The following ORM2 variants were observed in gnomAD, a reference collection of about 807,000 sequenced individuals.
The protein encoded by ORM2 is orosomucoid 2.
Under a neutral mutation model 26.8 loss-of-function variants are expected in ORM2, and 19 were observed. The observed-to-expected ratio is 0.71, with a 90% CI of 0.49 to 1.04. ORM2 has a LOEUF of 1.04. Ranked by LOEUF, ORM2 falls within the 50% of genes least tolerant of loss-of-function variation. The pLI, the probability that ORM2 is intolerant of heterozygous loss-of-function variation, is 0.00. For missense variants in ORM2, 259 were observed against 244.9 expected (o/e 1.06, Z -0.39); for synonymous variants, 94 against 100.0 (o/e 0.94, Z 0.36).
At chr9:114,332,588 C>A (rs1829874702) in intron 5 of ORM2, among the ~76,000 whole-genome samples, 1 of 152,010 alleles carries the variant, frequency 6.6e-6, no homozygotes, top group Admixed American at 6.6e-5. Context: ...AGATGACCAC[C>A]AGGGATGTGA....
chr9:114,330,148 G>C (rs778955617), intron 1 of ORM2, 130 bp downstream of exon 1: 1 of 1,546,436 alleles, frequency 6.5e-7, no homozygotes, highest in Non-Finnish European at 8.8e-7. Flanking sequence ...GGGTCCCCAG[G>C]GTGAAATTCT....
intron 3 of ORM2, 72 bp downstream of exon 3, chr9:114,330,934 T>C: frequency 7.9e-7 from 1 of 1,265,476 alleles, no homozygotes. Flanking sequence ...GGGGGCTGGA[T>C]GTAGAGCCCT....
intron 5 of ORM2, among the ~76,000 whole-genome samples, chr9:114,332,151 T>C (rs1173667506): frequency 6.6e-6 from 1 of 151,694 alleles, no homozygotes; most frequent in Non-Finnish European, 1.5e-5. Context: ...AGGGAGGACC[T>C]GAAAGCTAAC....
intron 3 of ORM2, among the ~76,000 whole-genome samples, chr9:114,331,245 A>G (rs929919459): frequency 6.6e-6 from 1 of 152,090 alleles, no homozygotes; most frequent in Non-Finnish European, 1.5e-5. Flanking sequence ...GAGGTGGCAC[A>G]TGGCAGGGAT....
chr9:114,330,479 G>A lies in ORM2; in HGVS notation c.160G>A (p.Glu54Lys). ...FYIASAFRNE[E>K]YNKSVQEIQA... ...TATCGCATCGGCCTTTCGAAACGAGGAGTACAATAAGTCGGTTCAGGAGAT... is the reference window on the plus strand; with the variant it reads ...TATCGCATCGGCCTTTCGAAACGAGAAGTACAATAAGTCGGTTCAGGAGAT... The change falls in exon 2 of 6, where the codon GAG becomes AAG. Residue 54 changes from glutamate to lysine, a missense_variant. Glu to Lys is a moderately conservative substitution (Grantham distance 56). Around this residue, in one of 2 missense-constraint regions of ORM2, gnomAD observed 251 missense variants for 220.5 expected, o/e 1.14. Transcript: ENST00000431067. 1.2e-6 allele frequency: 2 copies of A among 1,610,550 alleles called. No individual in the cohort carries two copies. Among genetic ancestry groups the A allele is most frequent in the Non-Finnish European group, 1.7e-6 (2 of 1,179,480 alleles).
At chr9:114,332,511 T>A (rs1829872549) in intron 5 of ORM2, among the ~76,000 whole-genome samples, 1 of 152,132 alleles carries the variant, frequency 6.6e-6, no homozygotes, top group African/African-American at 2.4e-5. Flanking sequence ...TTCCAATTTT[T>A]AAAATATATA....
chr9:114,329,926 A>C lies in ORM2; in HGVS notation c.22A>C (p.Thr8Pro). The C allele has an allele frequency of 6.9e-7, 1 of 1,454,984 alleles. No individual in the cohort carries two copies. Among genetic ancestry groups the C allele is most frequent in the Non-Finnish European group, 9.1e-7 (1 of 1,096,164 alleles). 90.1% of individuals were successfully genotyped at this position (1,454,984 alleles called of 1,614,324 possible). Residue 8 changes from threonine (T) to proline (P), a missense_variant, in exon 1 of 6, where the codon ACA becomes CCA. This residue lies in a region of ORM2 where 251 missense variants were observed against 220.5 expected (regional missense o/e 1.14). Transcript: ENST00000431067. MALSWVL[T>P]VLSLLPLLEA... ...CAGTATGGCGCTGTCCTGGGTTCTT[A>C]CAGTCCTGAGCCTCCTACCTCTGCT... is the stretch of plus-strand genomic sequence containing the variant.
chr9:114,332,968 T>C, intron 5 of ORM2, 101 bp from the exon 6 acceptor site: 1 of 1,560,208 alleles, frequency 6.4e-7, no homozygotes, highest in Non-Finnish European at 8.7e-7. Flanking sequence ...GTTGAGCTGG[T>C]TCCACAGGCC....
chr9:114,332,851 GGTCTGAGCTCCCATT>G (rs1829882015), intron 5 of ORM2, among the ~76,000 whole-genome samples: 1 of 152,136 alleles, frequency 6.6e-6, no homozygotes, highest in Non-Finnish European at 1.5e-5. Flanking sequence ...GGTTCTTAAG[GGTCTGAGCTCCCATT>G]GTAGAGGCAA....
intron 1 of ORM2, 89 bp from the exon 2 acceptor site, chr9:114,330,345 T>G (rs1340406234): frequency 4.1e-6 from 6 of 1,454,694 alleles, no homozygotes; most frequent in Non-Finnish European, 4.7e-6. Flanking sequence ...ATCTGCAAAA[T>G]CAGGGAGAGA....
Position 114,330,942 on chromosome 9 carries a change from C to G in ORM2, c.328+80C>G, listed in dbSNP as rs1369598692. Reference sequence around the variant, plus strand: ...ATAAGGTGGGGGCTGGATGTAGAGCCCTGGAGGCTTTGGGCACAGAGAAAT... The same window carrying G: ...ATAAGGTGGGGGCTGGATGTAGAGCGCTGGAGGCTTTGGGCACAGAGAAAT... On this transcript the variant is annotated intron_variant, in intron 3 of 5. Coordinates refer to ENST00000431067, the MANE Select transcript of ORM2 (RefSeq NM_000608.4). The G allele has an allele frequency of 4.2e-6, 5 of 1,185,020 alleles. No homozygotes were observed. The African/African-American group carries it at 7.8e-5, about 18-fold the overall frequency. 73.4% of individuals were successfully genotyped at this position (1,185,020 alleles called of 1,614,324 possible). A position where few individuals can be genotyped will look rare whatever the true frequency, so the allele number is the denominator to read the frequency against.
At position 114,330,038 on chromosome 9, in the gene ORM2, C is replaced by G; in HGVS notation, c.114+20C>G. The stretch of plus-strand genomic sequence containing the variant: ...GACCGGGTGAGTGCCTGGGCTAGCC[C>G]TGTCCTGAGCACATGGGCAGCTGCC... On this transcript the variant is annotated intron_variant, in intron 1 of 5. Coordinates refer to ENST00000431067, the MANE Select transcript of ORM2 (RefSeq NM_000608.4). 1 of 1,603,618 alleles carries G rather than the reference C, an allele frequency of 6.2e-7. No homozygotes were observed. Among genetic ancestry groups the G allele is most frequent in the Non-Finnish European group, 8.5e-7 (1 of 1,177,636 alleles).
In ORM2 at chr9:114,331,581, C is replaced by G. The variant is rs146308825; in HGVS notation, c.343C>G (p.His115Asp). The G allele has an allele frequency of 8.7e-5, 140 of 1,613,816 alleles. 2 individuals carry two copies. The African/African-American group carries it at 1.5e-3, about 18-fold the overall frequency. ...TTCTCTTCCAGAGGGAGGCCGAGAACATGTTGCTCACCTGCTGTTCCTTAG... is the reference window on the plus strand; with the variant it reads ...TTCTCTTCCAGAGGGAGGCCGAGAAGATGTTGCTCACCTGCTGTTCCTTAG... ...TVSRYEGGRE[H>D]VAHLLFLRDT... Residue 115 changes from histidine to aspartate, a missense_variant, in exon 4 of 6, where the codon CAT (histidine) becomes GAT (aspartate). Physicochemically the swap from His to Asp is moderately conservative, Grantham distance 81. This residue lies in a region of ORM2 where 251 missense variants were observed against 220.5 expected (regional missense o/e 1.14). Transcript: ENST00000431067.
chr9:114,331,267 G>A (rs767126716), intron 3 of ORM2, among the ~76,000 whole-genome samples: 3 of 152,126 alleles, frequency 2.0e-5, no homozygotes, highest in Non-Finnish European at 4.4e-5. Flanking sequence ...TGATGGAGCT[G>A]AACTGACATC....
chr9:114,330,954 G>C, intron 3 of ORM2, 92 bp downstream of exon 3: 1 of 1,037,584 alleles, frequency 9.6e-7, no homozygotes, highest in Non-Finnish European at 1.5e-6. Context: ...TGGAGGCTTT[G>C]GGCACAGAGA....
intron 3 of ORM2, among the ~76,000 whole-genome samples, chr9:114,331,220 T>C (rs1325276340): frequency 1.3e-5 from 2 of 152,022 alleles, no homozygotes; most frequent in African/African-American, 2.4e-5. Context: ...TTCAACTATG[T>C]CCCCCATCAC....
At position 114,331,575 on chromosome 9, in the gene ORM2, C is replaced by G. The variant is rs201320192; in HGVS notation, c.337C>G (p.Arg113Gly). 2.0e-5 allele frequency: 33 copies of G among 1,613,354 alleles called. No individual in the cohort carries two copies. The South Asian group carries it at 3.5e-4, about 17-fold the overall frequency. ...CTCTTTTTCTCTTCCAGAGGGAGGC[C>G]GAGAACATGTTGCTCACCTGCTGTT... ...NGTVSRYEGG[R>G]EHVAHLLFLR... The change falls in exon 4 of 6, where the codon CGA (arginine) becomes GGA (glycine). Residue 113 changes from arginine (R) to glycine (G), a missense_variant. This residue lies in a region of ORM2 where 251 missense variants were observed against 220.5 expected (regional missense o/e 1.14). Transcript: ENST00000431067.
In ORM2 at chr9:114,330,452, T is replaced by C. The variant is rs750499471; in HGVS notation, c.133T>C (p.Tyr45His). 6.3e-7 allele frequency: 1 copy of C among 1,594,720 alleles called. No individual in the cohort carries two copies. Among genetic ancestry groups the C allele is most frequent in the East Asian group, 2.2e-5 (1 of 44,766 alleles). The change falls in exon 2 of 6, where the codon TAT becomes CAT. Residue 45 changes from tyrosine to histidine, a missense_variant. This residue lies in a region of ORM2 where 251 missense variants were observed against 220.5 expected (regional missense o/e 1.14). Coordinates refer to ENST00000431067, the MANE Select transcript of ORM2 (RefSeq NM_000608.4). ...TLDRITGKWF[Y>H]IASAFRNEEY... is the part of the protein sequence containing the mutation. Reference sequence around the variant, plus strand: ...TCCCCAGATCACTGGCAAGTGGTTTTATATCGCATCGGCCTTTCGAAACGA... The same window carrying C: ...TCCCCAGATCACTGGCAAGTGGTTTCATATCGCATCGGCCTTTCGAAACGA...
Position 114,330,535 on chromosome 9 carries a change from C to A in ORM2, c.216C>A (p.Asn72Lys), listed in dbSNP as rs1178016562. Reference protein sequence around the residue: ...IQATFFYFTPNKTEDTIFLRE... With the variant: ...IQATFFYFTPKKTEDTIFLRE... ...CAACCTTCTTTTACTTTACCCCCAA[C>A]AAGACAGAGGACACGATCTTTCTCA... The change falls in exon 2 of 6, where the codon AAC becomes AAA. Residue 72 changes from asparagine to lysine, a missense_variant. Asn to Lys is a moderately conservative substitution (Grantham distance 94). This residue lies in a region of ORM2 where 251 missense variants were observed against 220.5 expected (regional missense o/e 1.14). Coordinates refer to ENST00000431067, the MANE Select transcript of ORM2 (RefSeq NM_000608.4). 6.2e-7 allele frequency: 1 copy of A among 1,612,652 alleles called. No individual in the cohort carries two copies. Among genetic ancestry groups the A allele is most frequent in the Non-Finnish European group, 8.5e-7 (1 of 1,179,938 alleles).
Sources: allele counts gnomAD v4.1 joint callset (sites outside exome capture counted in the v4.1 genomes callset), GRCh38; gene constraint gnomAD v4.1.1; regional missense constraint gnomAD v4.1.1; transcripts MANE v1.5; gene names NCBI Gene and HGNC (gene_info 2026-07-23, HGNC 2026-07-21).